Variants in TSBP1 observed in about 807,000 individuals in gnomAD.
The protein encoded by TSBP1 is testis-expressed basic protein 1.
TSBP1 carries 56 observed loss-of-function variants against 68.8 expected under a neutral mutation model. That is an observed-to-expected ratio of 0.81 (90% CI 0.66 to 1.02). The LOEUF is 1.02. Among genes scored for constraint, TSBP1 ranks in the 50% least tolerant of loss-of-function variants. The pLI is 0.00. For synonymous variants in TSBP1, 171 were observed against 208.7 expected, an observed-to-expected ratio of 0.82 and a Z score of 1.56; for missense variants, 502 against 641.2, an observed-to-expected ratio of 0.78 and a Z score of 2.34.
chr6:32,320,905 T>A (rs1379501905), intron 18 of TSBP1, among the ~76,000 whole-genome samples: 3 of 152,182 alleles, frequency 2.0e-5, no homozygotes, highest in Non-Finnish European at 2.9e-5. Context: ...TCTCATCATT[T>A]AGCTCCCGTT....
chr6:32,303,756 T>C (rs1765527765), intron 19 of TSBP1, among the ~76,000 whole-genome samples: 1 of 152,192 alleles, frequency 6.6e-6, no homozygotes, highest in Non-Finnish European at 1.5e-5. Context: ...GCACTAGTGG[T>C]CCAAGTTTAG....
At chr6:32,339,351 T>A (rs6928504) in intron 10 of TSBP1, 10,484 of 608,104 alleles carry the variant, frequency 0.017, 451 homozygotes, top group African/African-American at 0.12. Context: ...TAGAGGATCT[T>A]GAAATCAGTC....
chr6:32,301,993 A>ATAATAT, intron 20 of TSBP1, among the ~76,000 whole-genome samples: 1 of 149,510 alleles, frequency 6.7e-6, no homozygotes, highest in East Asian at 1.9e-4. Context: ...AATAATAATA[A>ATAATAT]TATTTTGTGG....
Position 32,314,720 on chromosome 6 carries a change from A to T in TSBP1, c.580+1052T>A, listed in dbSNP as rs1351708420. 1.3e-5 allele frequency among the ~76,000 whole-genome samples: 2 copies of T among 152,246 alleles called. No homozygotes were observed. The highest frequency in any genetic ancestry group is 2.9e-5 in the Non-Finnish European group (2 of 68,044). ...TGTTGTTATTATGAAAACTATATCCAGAGTGTGTTTAGAAGGAACTGGAGG... is the reference window on the plus strand; with the variant it reads ...TGTTGTTATTATGAAAACTATATCCTGAGTGTGTTTAGAAGGAACTGGAGG... On this transcript the variant is annotated intron_variant, in intron 19 of 22. Coordinates refer to ENST00000612031, the Ensembl canonical transcript of TSBP1. This position sits in a 1 kb window ranked among gnomAD's most constrained non-coding sequence, Gnocchi z 4.2.
rs1769993016 is a variant in TSBP1 at position 32,338,900 on chromosome 6, G to A, written c.409+79C>T. On this transcript the variant is annotated intron_variant, in intron 11 of 22. Transcript: ENST00000612031. This position sits in a 1 kb window ranked among gnomAD's most constrained non-coding sequence, Gnocchi z 5.5. ...TTTGTGAAAGAAATAAAAAAATCTAGGAATATGAGTGTCTTACATATTCTA... is the reference window on the plus strand; with the variant it reads ...TTTGTGAAAGAAATAAAAAAATCTAAGAATATGAGTGTCTTACATATTCTA... 2.8e-6 allele frequency: 3 copies of A among 1,081,218 alleles called. No individual in the cohort carries two copies. The East Asian group carries it at 7.1e-5, about 25-fold the overall frequency. 67.0% of individuals were successfully genotyped at this position (1,081,218 alleles called of 1,614,324 possible).
chr6:32,294,179 G>A (rs748325770), intron 22 of TSBP1, 144 bp from the exon 26 acceptor site: 56 of 847,774 alleles, frequency 6.6e-5, no homozygotes, highest in Non-Finnish European at 9.4e-5. Flanking sequence ...TAAAATGATG[G>A]TTCTCTGTAC....
At chr6:32,348,394 T>C (rs192869275) in intron 9 of TSBP1, among the ~76,000 whole-genome samples, 211 of 141,172 alleles carry the variant, frequency 1.5e-3, no homozygotes, top group African/African-American at 5.1e-3. Flanking sequence ...CTGTTCACAG[T>C]TGTATATACA....
At chr6:32,293,957 G>A (rs1415579396) in exon 23 of TSBP1, 1 of 1,612,406 alleles carries the variant, frequency 6.2e-7, no homozygotes, top group Admixed American at 1.7e-5. Flanking sequence ...AGACCTTGCA[G>A]TGCCTCCACA....
At chr6:32,322,259 A>G (rs142333763) in intron 18 of TSBP1, among the ~76,000 whole-genome samples, 1 of 152,236 alleles carries the variant, frequency 6.6e-6, no homozygotes, top group Non-Finnish European at 1.5e-5. Context: ...CCTGGTTTAA[A>G]TATTGAGTCA....
At chr6:32,319,275 A>G (rs1484550567) in intron 18 of TSBP1, among the ~76,000 whole-genome samples, 2 of 152,100 alleles carry the variant, frequency 1.3e-5, no homozygotes, top group African/African-American at 4.8e-5. Flanking sequence ...CCCCAAAATA[A>G]ATAAAATCTG....
chr6:32,315,908 A>G lies in TSBP1; in HGVS notation c.560-116T>C, dbSNP rs923890271. On this transcript the variant is annotated intron_variant, in intron 18 of 22. Coordinates refer to ENST00000612031, the Ensembl canonical transcript of TSBP1. This position sits in a 1 kb window ranked among gnomAD's most constrained non-coding sequence, Gnocchi z 5.4. ...GGAGGACTTGTGTGGGCAAAGAAGG[A>G]AGCATTCCAAACCACCCTATAGATT... 1.6e-6 allele frequency: 1 copy of G among 629,028 alleles called. No homozygotes were observed. The allele number at this position is 629,028 out of a possible 1,614,324, so 39.0% of individuals were successfully genotyped here.
chr6:32,362,412 G>A (rs1298596422), intron 6 of TSBP1, among the ~76,000 whole-genome samples: 1 of 152,124 alleles, frequency 6.6e-6, no homozygotes, highest in Non-Finnish European at 1.5e-5. Flanking sequence ...GCTCTCTTGC[G>A]CCACATGCGC....
intron 14 of TSBP1, among the ~76,000 whole-genome samples, chr6:32,334,274 T>G (rs1769389489): frequency 6.6e-6 from 1 of 152,180 alleles, no homozygotes; most frequent in South Asian, 2.1e-4. Flanking sequence ...TTTTAAATTT[T>G]CTCCTATTTA....
At chr6:32,334,366 T>C (rs1001291659) in intron 14 of TSBP1, among the ~76,000 whole-genome samples, 1 of 152,180 alleles carries the variant, frequency 6.6e-6, no homozygotes, top group Non-Finnish European at 1.5e-5. Flanking sequence ...TCTAGGCCTT[T>C]ACTACCCTTT....
In TSBP1 at chr6:32,336,536, T is replaced by C. The variant is rs913657110; in HGVS notation, c.430+79A>G. 8.5e-7 allele frequency: 1 copy of C among 1,169,640 alleles called. No individual in the cohort carries two copies. The highest frequency in any genetic ancestry group is 1.9e-5 in the Admixed American group (1 of 51,316). The allele number at this position is 1,169,640 out of a possible 1,614,324, so 72.5% of individuals were successfully genotyped here. A position where few individuals can be genotyped will look rare whatever the true frequency, so the allele number is the denominator to read the frequency against. ...TAAAAGTTGAAATTATTTTTAAAAA[T>C]GCAGGGCAGATCAGGCCCCAAGACC... is the stretch of plus-strand genomic sequence containing the variant. On this transcript the variant is annotated intron_variant, in intron 12 of 22. Transcript: ENST00000612031. The surrounding 1 kb of genome is among the most constrained non-coding windows in gnomAD (Gnocchi z 5.2).
chr6:32,371,298 C>T (rs1000129903), intron 1 of TSBP1, among the ~76,000 whole-genome samples: 1 of 151,948 alleles, frequency 6.6e-6, no homozygotes, highest in African/African-American at 2.4e-5. Flanking sequence ...GTCTATAGGG[C>T]AGTTAGAAGA....
chr6:32,348,292 A>G (rs1446664931), intron 9 of TSBP1, among the ~76,000 whole-genome samples: 1 of 152,164 alleles, frequency 6.6e-6, no homozygotes, highest in Non-Finnish European at 1.5e-5. Context: ...TACCCTTTCC[A>G]TAAGTTAGAT....
chr6:32,332,055 C>G lies in TSBP1; in HGVS notation c.473-1G>C. 1 of 1,596,800 alleles carries G rather than the reference C, an allele frequency of 6.3e-7. No homozygotes were observed. The highest frequency in any genetic ancestry group is 8.6e-7 in the Non-Finnish European group (1 of 1,165,396). On this transcript the variant is annotated splice_acceptor_variant, in intron 14 of 22. Coordinates refer to ENST00000612031, the Ensembl canonical transcript of TSBP1. LOFTEE classifies it high-confidence loss of function. ...TTACCAATAGGTCCTGGAGTTTGCACTAAAAAGAAATTCAAATTGGCATAT... is the reference window on the plus strand; with the variant it reads ...TTACCAATAGGTCCTGGAGTTTGCAGTAAAAAGAAATTCAAATTGGCATAT...
chr6:32,349,676 A>C, intron 9 of TSBP1, 64 bp downstream of exon 9: 2 of 969,228 alleles, frequency 2.1e-6, no homozygotes, highest in Non-Finnish European at 3.3e-6. Flanking sequence ...AAGTTTAGGA[A>C]GATATCCTCT....
Sources: allele counts gnomAD v4.1 joint callset (sites outside exome capture counted in the v4.1 genomes callset), GRCh38; gene constraint gnomAD v4.1.1; non-coding constraint Gnocchi (gnomAD v3.1); transcripts MANE v1.5; gene names NCBI Gene and HGNC (gene_info 2026-07-23, HGNC 2026-07-21).